The following STPG2 variants were observed in gnomAD, a reference collection of about 807,000 sequenced individuals.
The protein encoded by STPG2 is sperm-tail PG-rich repeat-containing protein 2.
In STPG2, 56 loss-of-function variants were observed where a neutral mutation model predicts 54.2. The ratio of observed to expected loss-of-function variants is 1.03; its 90% CI spans 0.83 to 1.29. The LOEUF (loss-of-function observed/expected upper bound fraction) is 1.29. Among genes scored for constraint, STPG2 ranks in the 50% most tolerant of loss-of-function variants. STPG2 has a pLI of 0.00. For synonymous variants in STPG2, 200 were observed against 181.8 expected (o/e 1.10, Z -0.81); for missense variants, 596 against 544.9 (o/e 1.09, Z -0.93).
intron 8 of STPG2, among the ~76,000 whole-genome samples, chr4:97,930,722 C>G (rs1732512176): frequency 1.3e-5 from 2 of 152,042 alleles, no homozygotes; most frequent in Non-Finnish European, 2.9e-5. Flanking sequence ...AAGAATGTCA[C>G]TGGTAGTTTC....
intron 4 of STPG2, among the ~76,000 whole-genome samples, chr4:97,473,820 C>T (rs1730004896): frequency 6.6e-6 from 1 of 152,102 alleles, no homozygotes; most frequent in Non-Finnish European, 1.5e-5. Context: ...TACTCTGTCC[C>T]TTTATTTCTC....
intron 5 of STPG2, among the ~76,000 whole-genome samples, chr4:98,035,107 TTAAAC>T (rs1247945138): frequency 1.3e-5 from 2 of 152,114 alleles, no homozygotes; most frequent in African/African-American, 4.8e-5. Flanking sequence ...TGGGATCTAA[TTAAAC>T]TAAAGAGCTT....
At chr4:97,728,279 A>C (rs1000590097) in intron 9 of STPG2, among the ~76,000 whole-genome samples, 2 of 152,064 alleles carry the variant, frequency 1.3e-5, no homozygotes, top group Non-Finnish European at 2.9e-5. Context: ...ATAGAATTAC[A>C]CAATAAAAGC....
At chr4:97,875,398 A>G (rs1240557939) in intron 8 of STPG2, among the ~76,000 whole-genome samples, 4 of 151,158 alleles carry the variant, frequency 2.6e-5, no homozygotes, top group Non-Finnish European at 5.9e-5. Context: ...CTAAGAAAAA[A>G]AAAGATCAGA....
chr4:97,441,782 C>T (rs565014474), intron 4 of STPG2, among the ~76,000 whole-genome samples: 1 of 151,902 alleles, frequency 6.6e-6, no homozygotes, highest in East Asian at 1.9e-4. Context: ...GATTTGAGTA[C>T]TTAAAGGCAT....
chr4:97,856,553 C>T (rs886876466), intron 8 of STPG2, among the ~76,000 whole-genome samples: 3 of 152,140 alleles, frequency 2.0e-5, no homozygotes, highest in Admixed American at 6.5e-5. Context: ...GCTTAAGAAG[C>T]TTTTGGTCTG....
At chr4:97,971,930 T>G (rs1199291933) in intron 7 of STPG2, among the ~76,000 whole-genome samples, 1 of 152,218 alleles carries the variant, frequency 6.6e-6, no homozygotes, top group Non-Finnish European at 1.5e-5. Flanking sequence ...CCCTAAGTCT[T>G]TACTTCTCTA....
intron 5 of STPG2, among the ~76,000 whole-genome samples, chr4:98,101,592 A>T (rs904086730): frequency 3.3e-5 from 5 of 152,142 alleles, no homozygotes. Flanking sequence ...AACCTTAAAT[A>T]TAGCCCAGTA....
At chr4:98,125,337 C>T (rs1347672936) in intron 3 of STPG2, among the ~76,000 whole-genome samples, 1 of 152,138 alleles carries the variant, frequency 6.6e-6, no homozygotes, top group African/African-American at 2.4e-5. Context: ...TTTGAGGCTG[C>T]TGGACCTTTG....
At chr4:97,893,586 T>C (rs996254930) in intron 8 of STPG2, among the ~76,000 whole-genome samples, 4 of 151,930 alleles carry the variant, frequency 2.6e-5, no homozygotes, top group Non-Finnish European at 5.9e-5. Context: ...AAAAGAAAAA[T>C]CATCCCCTCA....
intron 10 of STPG2, among the ~76,000 whole-genome samples, chr4:97,564,039 A>C (rs1578391311): frequency 6.6e-6 from 1 of 152,140 alleles, no homozygotes; most frequent in Non-Finnish European, 1.5e-5. Context: ...GGGGTGTTAA[A>C]GTCTCCCATT....
intron 5 of STPG2, among the ~76,000 whole-genome samples, chr4:97,981,741 T>C (rs1000276002): frequency 2.7e-5 from 4 of 150,840 alleles, no homozygotes; most frequent in Admixed American, 6.6e-5. Context: ...AACTCAACAG[T>C]ATCATTAGAT....
At chr4:97,645,615 G>C (rs1721892102) in intron 10 of STPG2, among the ~76,000 whole-genome samples, 1 of 152,024 alleles carries the variant, frequency 6.6e-6, no homozygotes, top group Admixed American at 6.6e-5. Flanking sequence ...ATGATCATGG[G>C]GGGTTGGCAA....
chr4:97,460,750 C>A (rs927725155), intron 4 of STPG2, among the ~76,000 whole-genome samples: 1 of 152,206 alleles, frequency 6.6e-6, no homozygotes, highest in Non-Finnish European at 1.5e-5. Flanking sequence ...TGTTCCCACA[C>A]CCAGTCACAA....
intron 9 of STPG2, among the ~76,000 whole-genome samples, chr4:97,749,101 T>A (rs1431554856): frequency 6.6e-6 from 1 of 151,656 alleles, no homozygotes; most frequent in Non-Finnish European, 1.5e-5. Flanking sequence ...TTCAAATTAG[T>A]GTGTGCATAA....
intron 5 of STPG2, among the ~76,000 whole-genome samples, chr4:98,004,600 TAAC>T (rs1334777965): frequency 1.3e-5 from 2 of 152,200 alleles, no homozygotes; most frequent in African/African-American, 4.8e-5. Flanking sequence ...TTTATGTTCC[TAAC>T]AACAACATAT....
rs553143304 is a variant in STPG2 at position 97,905,308 on chromosome 4, T to G, written c.1044+38589A>C. Among the ~76,000 whole-genome samples, 527 of 152,202 alleles carry G rather than the reference T, an allele frequency of 3.5e-3. 4 individuals carry two copies. The highest frequency in any genetic ancestry group is 0.012 in the African/African-American group (507 of 41,530). On this transcript the variant is annotated intron_variant, in intron 8 of 10. Coordinates refer to ENST00000295268, the MANE Select transcript of STPG2 (RefSeq NM_174952.3). ...GACAGTGGGGGCCAATATTCAACAT[T>G]CTTAAAGAAAAGAATTTTCAACCCA...
Position 97,972,286 on chromosome 4 carries a change from A to G in STPG2, c.927T>C (p.Asp309=), listed in dbSNP as rs783960. ...KEACATPGPA[D]YQEFWHSQGV... ...TTTTGTATGAATGTATTACCTGATA[A>G]TCAGCAGGTCCAGGGGTAGCACAAG... Residue 309 remains aspartate (D), a synonymous_variant, in exon 7 of 11, where the codon GAT becomes GAC. Coordinates refer to ENST00000295268, the MANE Select transcript of STPG2 (RefSeq NM_174952.3). 0.45 allele frequency: 702,696 copies of G among 1,565,710 alleles called. 161,218 individuals are homozygous for G. The highest frequency in any genetic ancestry group is 0.57 in the Admixed American group (29,877 of 52,150).
chr4:97,883,653 C>G (rs1473250162), intron 8 of STPG2, among the ~76,000 whole-genome samples: 1 of 151,708 alleles, frequency 6.6e-6, no homozygotes, highest in Non-Finnish European at 1.5e-5. Flanking sequence ...CTCGACAGAG[C>G]CAAGGAAAGA....
Sources: allele counts gnomAD v4.1 joint callset (sites outside exome capture counted in the v4.1 genomes callset), GRCh38; gene constraint gnomAD v4.1.1; transcripts MANE v1.5; gene names NCBI Gene and HGNC (gene_info 2026-07-23, HGNC 2026-07-21).